The following CNTNAP2 variants were observed in gnomAD, a reference collection of about 807,000 sequenced individuals.
The protein encoded by CNTNAP2 is contactin associated protein 2.
CNTNAP2 carries 98 observed loss-of-function variants against 155.2 expected under a neutral mutation model. The ratio of observed to expected loss-of-function variants is 0.63; its 90% CI spans 0.54 to 0.75. CNTNAP2 has a LOEUF of 0.75. Among genes scored for constraint, CNTNAP2 ranks in the 30% least tolerant of loss-of-function variants. The probability of loss-of-function intolerance (pLI) is 0.00; values close to 1 mark genes in which losing one functional copy is unlikely to be tolerated. For missense variants in CNTNAP2, 1,727 were observed against 1,688.1 expected (o/e 1.02, Z -0.40); for synonymous variants, 651 against 631.2 (o/e 1.03, Z -0.47).
chr7:147,080,713 A>G (rs1800107440), intron 4 of CNTNAP2, among the ~76,000 whole-genome samples: 1 of 148,168 alleles, frequency 6.7e-6, no homozygotes, highest in African/African-American at 2.4e-5. Context: ...ATATATATAA[A>G]TATATATATA....
chr7:148,127,870 A>G (rs192387849), intron 16 of CNTNAP2, among the ~76,000 whole-genome samples: 1 of 152,180 alleles, frequency 6.6e-6, no homozygotes, highest in African/African-American at 2.4e-5. Flanking sequence ...TTTCACACAT[A>G]TATTATATTT....
intron 13 of CNTNAP2, among the ~76,000 whole-genome samples, chr7:147,773,953 C>G (rs1452829048): frequency 6.6e-6 from 1 of 152,076 alleles, no homozygotes; most frequent in African/African-American, 2.4e-5. Context: ...TCATATTGAC[C>G]TCTTTGCTGT....
At chr7:146,427,484 T>A (rs1004988789) in intron 1 of CNTNAP2, among the ~76,000 whole-genome samples, 5 of 152,208 alleles carry the variant, frequency 3.3e-5, no homozygotes, top group African/African-American at 1.2e-4. Flanking sequence ...ATTCTTCTTT[T>A]GATTTTTCTT....
At chr7:147,368,163 C>T (rs941483274) in intron 9 of CNTNAP2, among the ~76,000 whole-genome samples, 6 of 149,608 alleles carry the variant, frequency 4.0e-5, no homozygotes, top group Admixed American at 1.3e-4. Flanking sequence ...AGTATCATGC[C>T]AGAATCCCTA....
intron 15 of CNTNAP2, among the ~76,000 whole-genome samples, chr7:148,103,748 T>C (rs1229014121): frequency 1.3e-5 from 2 of 152,204 alleles, no homozygotes; most frequent in Non-Finnish European, 2.9e-5. Flanking sequence ...TTGGATGCAC[T>C]ATTTATTTTT....
intron 1 of CNTNAP2, among the ~76,000 whole-genome samples, chr7:146,268,981 G>A (rs1397326322): frequency 6.6e-6 from 1 of 152,156 alleles, no homozygotes; most frequent in Non-Finnish European, 1.5e-5. Context: ...TTTACCTAAT[G>A]ATCAAAGCCT....
intron 8 of CNTNAP2, among the ~76,000 whole-genome samples, chr7:147,249,409 C>T: frequency 6.6e-6 from 1 of 151,992 alleles, no homozygotes; most frequent in East Asian, 1.9e-4. Flanking sequence ...CCCCGAAAGA[C>T]ATTCAAACCA....
In CNTNAP2 at chr7:147,025,124, A is replaced by T. The variant is rs973061812; in HGVS notation, c.403-18783A>T. On this transcript the variant is annotated intron_variant, in intron 3 of 23. Coordinates refer to ENST00000361727, the MANE Select transcript of CNTNAP2 (RefSeq NM_014141.6). ...CATGGTGAAACCCCATCTCTACTAA[A>T]AATACCAAAAAATTAGCCGGGTGTG... Among the ~76,000 whole-genome samples, 20 of 150,070 alleles carry T rather than the reference A, an allele frequency of 1.3e-4. 1 individual carries two copies. The highest frequency in any genetic ancestry group is 1.3e-3 in the Admixed American group (19 of 15,002).
At chr7:147,419,468 T>C (rs1355081121) in intron 10 of CNTNAP2, among the ~76,000 whole-genome samples, 1 of 152,224 alleles carries the variant, frequency 6.6e-6, no homozygotes, top group Admixed American at 6.5e-5. Context: ...AAAAATGAGC[T>C]CTATGTTCTA....
At chr7:147,947,360 G>A (rs928172180) in intron 14 of CNTNAP2, among the ~76,000 whole-genome samples, 1 of 147,938 alleles carries the variant, frequency 6.8e-6, no homozygotes, top group Non-Finnish European at 1.5e-5. Flanking sequence ...GCTCACACCT[G>A]TAATCCCAGC....
chr7:146,951,988 T>C (rs544513365), intron 3 of CNTNAP2, among the ~76,000 whole-genome samples: 1 of 151,990 alleles, frequency 6.6e-6, no homozygotes, highest in Non-Finnish European at 1.5e-5. Context: ...AAAGAAAATT[T>C]CAGGCCAGTA....
chr7:147,661,831 G>A (rs1563043183), intron 13 of CNTNAP2, among the ~76,000 whole-genome samples: 1 of 152,242 alleles, frequency 6.6e-6, no homozygotes, highest in East Asian at 1.9e-4. Context: ...GATTATAGGC[G>A]TGAGCCACGG....
At chr7:146,386,367 G>A (rs1442662772) in intron 1 of CNTNAP2, among the ~76,000 whole-genome samples, 1 of 151,976 alleles carries the variant, frequency 6.6e-6, no homozygotes, top group Non-Finnish European at 1.5e-5. Flanking sequence ...TTCACATTAT[G>A]TTTTATGTTT....
At chr7:147,711,546 G>A (rs911303978) in intron 13 of CNTNAP2, among the ~76,000 whole-genome samples, 3 of 152,152 alleles carry the variant, frequency 2.0e-5, no homozygotes, top group African/African-American at 7.2e-5. Flanking sequence ...CATTATTTAG[G>A]AGGTCAGGAA....
chr7:147,021,214 GCTCATCAGCTATCA>G (rs1169795480), intron 3 of CNTNAP2, among the ~76,000 whole-genome samples: 1 of 151,568 alleles, frequency 6.6e-6, no homozygotes, highest in African/African-American at 2.4e-5. Flanking sequence ...TTCTTTTTTA[GCTCATCAGCTATCA>G]TTAGTGTGTG....
chr7:148,183,609 G>A (rs113531317), intron 18 of CNTNAP2, among the ~76,000 whole-genome samples: 14,161 of 150,708 alleles, frequency 0.094, 759 homozygotes, highest in Non-Finnish European at 0.12. Flanking sequence ...GGCCCCCAGA[G>A]TAGCTGGGAC....
chr7:148,358,116 C>T (rs1798549986), intron 21 of CNTNAP2, among the ~76,000 whole-genome samples: 1 of 152,054 alleles, frequency 6.6e-6, no homozygotes, highest in African/African-American at 2.4e-5. Flanking sequence ...CCTGGTTCAG[C>T]CTAGGGGTGT....
intron 1 of CNTNAP2, among the ~76,000 whole-genome samples, chr7:146,739,540 A>C (rs1801674989): frequency 6.6e-6 from 1 of 152,000 alleles, no homozygotes; most frequent in South Asian, 2.1e-4. Context: ...TATCATTTCA[A>C]AATTCTGATT....
chr7:148,409,523 A>G (rs571603901), intron 23 of CNTNAP2, 52 bp downstream of exon 23: 3 of 1,447,840 alleles, frequency 2.1e-6, no homozygotes, highest in South Asian at 2.3e-5. Context: ...TATGGAAAGT[A>G]ATAGTTGTCA....
Sources: allele counts gnomAD v4.1 joint callset (sites outside exome capture counted in the v4.1 genomes callset), GRCh38; gene constraint gnomAD v4.1.1; transcripts MANE v1.5; gene names NCBI Gene and HGNC (gene_info 2026-07-23, HGNC 2026-07-21).